ZYG11A: variants seen among roughly 807,000 people sequenced by gnomAD.
The protein encoded by ZYG11A is protein zyg-11 homolog A.
In ZYG11A, 62 loss-of-function variants were observed where a neutral mutation model predicts 77.2. That is an observed-to-expected ratio of 0.80 (90% CI 0.65 to 0.99). ZYG11A has a LOEUF of 0.99. ZYG11A is among the 50% of genes least tolerant of loss of function. The pLI is 0.00. For synonymous variants in ZYG11A, 315 were observed against 324.6 expected, an observed-to-expected ratio of 0.97 and a Z score of 0.32; for missense variants, 828 against 896.8, an observed-to-expected ratio of 0.92 and a Z score of 0.98.
chr1:52,881,701 GTAATCTC>G, intron 11 of ZYG11A, 36 bp downstream of exon 11: 1 of 1,437,866 alleles, frequency 7.0e-7, no homozygotes, highest in Admixed American at 2.4e-5. Context: ...AAAATCCAGA[GTAATCTC>G]TAATTACAGA....
At chr1:52,855,952 G>A (rs1645802400) in intron 2 of ZYG11A, among the ~76,000 whole-genome samples, 1 of 152,284 alleles carries the variant, frequency 6.6e-6, no homozygotes, top group Admixed American at 6.5e-5. Context: ...GAATGTGTAA[G>A]AGTTTCTATG....
In ZYG11A at chr1:52,842,989, C is replaced by A; in HGVS notation, c.90+16C>A. On this transcript the variant is annotated intron_variant, in intron 1 of 13. Transcript: ENST00000371528. ...CGTGGTACAGGTGAGCACCGGGGTG[C>A]GGGCGGCGACGCGGACCTCGGCGCC... 1 of 1,504,640 alleles carries A rather than the reference C, an allele frequency of 6.6e-7. No homozygotes were observed. The highest frequency in any genetic ancestry group is 1.7e-4 in the Middle Eastern group (1 of 5,830). 93.2% of individuals were successfully genotyped at this position (1,504,640 alleles called of 1,614,324 possible).
Position 52,848,670 on chromosome 1 carries a change from C to T in ZYG11A, c.90+5697C>T, listed in dbSNP as rs138617958. On this transcript the variant is annotated intron_variant, in intron 1 of 13. Transcript: ENST00000371528. ...GCTGAGGTGGGTGGATCACCTGAGGCCAGGAGTTCAAGACCAGCCTGGAGA... is the reference window on the plus strand; with the variant it reads ...GCTGAGGTGGGTGGATCACCTGAGGTCAGGAGTTCAAGACCAGCCTGGAGA... Among the ~76,000 whole-genome samples, 658 of 152,144 alleles carry T rather than the reference C, an allele frequency of 4.3e-3. 6 individuals are homozygous for T. The highest frequency in any genetic ancestry group is 0.014 in the African/African-American group (576 of 41,510).
At chr1:52,875,057 A>G (rs1365180418) in intron 8 of ZYG11A, among the ~76,000 whole-genome samples, 1 of 152,058 alleles carries the variant, frequency 6.6e-6, no homozygotes, top group Non-Finnish European at 1.5e-5. Context: ...TGAACCAGAA[A>G]AGGAGACTGA....
Position 52,857,292 on chromosome 1 carries a change from G to A in ZYG11A, c.551G>A (p.Arg184His), listed in dbSNP as rs190484906. Reference protein sequence around the residue: ...LLFFSQLTGLRILSVFNVCFH... With the variant: ...LLFFSQLTGLHILSVFNVCFH... ...TTCTTTAGTCAGCTCACTGGTCTTC[G>A]CATTTTAAGTGTTTTTAATGTTTGT... is the stretch of plus-strand genomic sequence containing the variant. Residue 184 changes from arginine (R) to histidine (H), a missense_variant, in exon 3 of 14, where the codon CGC (arginine) becomes CAC (histidine). Arg to His is a conservative substitution (Grantham distance 29, BLOSUM62 0). Coordinates refer to ENST00000371528, the MANE Select transcript of ZYG11A (RefSeq NM_001004339.3). 1.7e-4 allele frequency: 261 copies of A among 1,551,920 alleles called. No homozygotes were observed. In the East Asian group the frequency reaches 5.6e-3, roughly 33 times the overall value.
intron 1 of ZYG11A, among the ~76,000 whole-genome samples, chr1:52,848,091 A>G (rs1422106186): frequency 1.3e-5 from 2 of 151,832 alleles, no homozygotes; most frequent in African/African-American, 4.8e-5. Flanking sequence ...GGATGGTCTC[A>G]ATCTCCTGAC....
chr1:52,868,253 C>T (rs1405150182), intron 8 of ZYG11A, among the ~76,000 whole-genome samples: 3 of 151,866 alleles, frequency 2.0e-5, no homozygotes, highest in Non-Finnish European at 4.4e-5. Context: ...CGTGAGCCAC[C>T]ATGCCTGGCC....
In ZYG11A at chr1:52,864,134, A is replaced by T. The variant is rs1447864462; in HGVS notation, c.1303A>T (p.Lys435Ter). Residue 435 changes from lysine to a stop codon, truncating the protein, a stop_gained, in exon 5 of 14, where the codon AAA becomes TAA. Transcript: ENST00000371528. LOFTEE classifies it high-confidence loss of function. ...CACCTGTCTACTTTTCAAGGCTCTG[A>T]AAAATTTCCCCCATTACCAGCAGGT... ...EVTCLLFKAL[K>*]NFPHYQQLQK... 6.4e-7 allele frequency: 1 copy of T among 1,551,114 alleles called. No individual in the cohort carries two copies. The highest frequency in any genetic ancestry group is 1.4e-5 in the African/African-American group (1 of 73,034).
In ZYG11A at chr1:52,881,866, GCTT is replaced by G. The variant is rs2150018503; in HGVS notation, c.1944+202_1944+204del. ...CTTACTTCGGTCCTCTTTCTCATCA[GCTT>G]TTTTTTTTTAAAACTATTTACTTTA... On this transcript the variant is annotated intron_variant, in intron 11 of 13. Transcript: ENST00000371528. The G allele has an allele frequency of 7.0e-6, 3 of 431,580 alleles. No homozygotes were observed. In the South Asian group the frequency reaches 1.4e-4, roughly 20 times the overall value. 26.7% of individuals were successfully genotyped at this position (431,580 alleles called of 1,614,324 possible). A position where few individuals can be genotyped will look rare whatever the true frequency, so the allele number is the denominator to read the frequency against.
At position 52,867,797 on chromosome 1, in the gene ZYG11A, C is replaced by T. The variant is rs1162777669; in HGVS notation, c.1542+20C>T. 4 of 1,535,412 alleles carry T rather than the reference C, an allele frequency of 2.6e-6. No individual in the cohort carries two copies. Among genetic ancestry groups the T allele is most frequent in the Non-Finnish European group, 3.5e-6 (4 of 1,141,528 alleles). ...GTTAAGGTAGGTTCCTTGTCATGTTCATAACCTTTTTTTAAAAAAAGTCAA... is the reference window on the plus strand; with the variant it reads ...GTTAAGGTAGGTTCCTTGTCATGTTTATAACCTTTTTTTAAAAAAAGTCAA... On this transcript the variant is annotated intron_variant, in intron 8 of 13. Transcript: ENST00000371528.
At chr1:52,884,493 CA>C (rs533428837) in intron 11 of ZYG11A, among the ~76,000 whole-genome samples, 120 of 98,890 alleles carry the variant, frequency 1.2e-3, no homozygotes, top group Admixed American at 2.0e-3. Context: ...GAGACTGCCT[CA>C]AAAAAAAAAA....
At position 52,892,793 on chromosome 1, in the gene ZYG11A, T is replaced by C; in HGVS notation, c.2116T>C (p.Cys706Arg). The change falls in exon 14 of 14, where the codon TGC (cysteine) becomes CGC (arginine). Residue 706 changes from cysteine (C) to arginine (R), a missense_variant. By Grantham distance (180) the Cys-to-Arg change is radical. Coordinates refer to ENST00000371528, the MANE Select transcript of ZYG11A (RefSeq NM_001004339.3). ...TGATTTTCTTTCAGCCAGCAAATAC[T>C]GCAAAATGTTAGTTGAAGAAGAAGG... Reference protein sequence around the residue: ...HVCSKNPSKYCKMLVEEEGLQ... With the variant: ...HVCSKNPSKYRKMLVEEEGLQ... The C allele has an allele frequency of 6.4e-7, 1 of 1,551,616 alleles. No individual in the cohort carries two copies. Among genetic ancestry groups the C allele is most frequent in the Non-Finnish European group, 8.7e-7 (1 of 1,146,984 alleles).
At chr1:52,891,145 C>T (rs1265096262) in intron 13 of ZYG11A, among the ~76,000 whole-genome samples, 1 of 151,844 alleles carries the variant, frequency 6.6e-6, no homozygotes, top group Non-Finnish European at 1.5e-5. Context: ...GGTGATCCAC[C>T]CACCTCAGCC....
chr1:52,875,946 C>A, intron 8 of ZYG11A, among the ~76,000 whole-genome samples: 1 of 148,222 alleles, frequency 6.7e-6, no homozygotes, highest in African/African-American at 2.5e-5. Context: ...TGCTGAATCT[C>A]TGTATGTGCA....
chr1:52,884,596 G>C (rs1011468444), intron 11 of ZYG11A, among the ~76,000 whole-genome samples: 1 of 152,076 alleles, frequency 6.6e-6, no homozygotes, highest in African/African-American at 2.4e-5. Flanking sequence ...AGAGGTTACA[G>C]TGAGCCGAGA....
rs147019698 is a variant in ZYG11A, at chr1:52,894,391, T to G, written c.*1434T>G. 69 of 152,332 alleles carry G rather than the reference T, an allele frequency of 4.5e-4. No individual in the cohort carries two copies. The highest frequency in any genetic ancestry group is 1.6e-3 in the African/African-American group (67 of 41,582). 9.4% of individuals were successfully genotyped at this position (152,332 alleles called of 1,614,324 possible). Reference sequence around the variant, plus strand: ...GCTGACTAAAGAAAACATGGGCTTTTCTGAAACCAGCTTCAACTACAGTAT... The same window carrying G: ...GCTGACTAAAGAAAACATGGGCTTTGCTGAAACCAGCTTCAACTACAGTAT... On this transcript the variant is annotated 3_prime_UTR_variant, in exon 14 of 14. Transcript: ENST00000371528.
chr1:52,861,798 T>TC (rs1645932573), intron 4 of ZYG11A, among the ~76,000 whole-genome samples: 1 of 152,070 alleles, frequency 6.6e-6, no homozygotes, highest in South Asian at 2.1e-4. Flanking sequence ...ATGCCTGTAA[T>TC]CCCACCACTT....
chr1:52,845,146 T>G (rs1645538307), intron 1 of ZYG11A, among the ~76,000 whole-genome samples: 1 of 152,096 alleles, frequency 6.6e-6, no homozygotes, highest in Non-Finnish European at 1.5e-5. Flanking sequence ...TTAAGAAATG[T>G]CCATCTTGAT....
chr1:52,864,429 A>G (rs1645985443), intron 5 of ZYG11A, among the ~76,000 whole-genome samples: 1 of 152,062 alleles, frequency 6.6e-6, no homozygotes, highest in African/African-American at 2.4e-5. Context: ...TATTTTTAGT[A>G]GAGACGGGGT....
Sources: gnomAD v4.1 joint callset for allele counts (sites outside exome capture counted in the v4.1 genomes callset) on GRCh38, gnomAD v4.1.1 for gene constraint, MANE v1.5 for transcripts, NCBI Gene and HGNC (gene_info 2026-07-23, HGNC 2026-07-21) for gene names.